The following CFAP47 variants were observed in gnomAD, a reference collection of about 807,000 sequenced individuals.
The protein encoded by CFAP47 is cilia- and flagella-associated protein 47.
In CFAP47, 29 loss-of-function variants were observed where a neutral mutation model predicts 148.1. That is an observed-to-expected ratio of 0.20 (90% CI 0.15 to 0.27). The LOEUF is 0.27. Among genes scored for constraint, CFAP47 ranks in the 10% least tolerant of loss-of-function variants. The pLI is 1.00. For synonymous variants in CFAP47, 664 were observed against 577.3 expected (o/e 1.15, Z -2.15); for missense variants, 1,872 against 1,697.5 (o/e 1.10, Z -1.81).
chrX:36,171,906 G>T (rs1264734447), intron 39 of CFAP47, among the ~76,000 whole-genome samples: 16 of 108,883 alleles, frequency 1.5e-4, no homozygotes, highest in African/African-American at 5.0e-4. Context: ...CCATTTTCAC[G>T]ATATTGATTC....
intron 39 of CFAP47, among the ~76,000 whole-genome samples, chrX:36,170,692 A>G (rs1239548989): frequency 1.8e-4 from 19 of 107,248 alleles, no homozygotes; most frequent in Non-Finnish European, 3.5e-4. Flanking sequence ...AATCCAGTCT[A>G]TCATTGTTGG....
intron 35 of CFAP47, among the ~76,000 whole-genome samples, chrX:36,141,067 T>TTTC (rs750751499): frequency 0.11 from 11,489 of 108,600 alleles, 1,209 homozygotes; most frequent in African/African-American, 0.32. Context: ...AAATTTTTTT[T>TTTC]TTTTTTTTTA....
intron 55 of CFAP47, among the ~76,000 whole-genome samples, chrX:36,307,646 A>T (rs1556009104): frequency 9.0e-6 from 1 of 110,918 alleles, no homozygotes; most frequent in Non-Finnish European, 1.9e-5. Context: ...ATGCAAATGG[A>T]GGAATGTACT....
At chrX:35,924,303 A>G (rs1224265672) in intron 1 of CFAP47, among the ~76,000 whole-genome samples, 7 of 101,019 alleles carry the variant, frequency 6.9e-5, no homozygotes, top group Admixed American at 6.1e-4. Context: ...GTGTACACAT[A>G]TGTATATATG....
chrX:36,235,614 C>T (rs1440926797), intron 46 of CFAP47, among the ~76,000 whole-genome samples: 2 of 112,216 alleles, frequency 1.8e-5, no homozygotes, highest in African/African-American at 3.2e-5. Flanking sequence ...ACACACGGTG[C>T]GCTGCACCCA....
intron 2 of CFAP47, among the ~76,000 whole-genome samples, chrX:35,940,968 A>G (rs1338565268): frequency 4.5e-5 from 5 of 111,695 alleles, no homozygotes; most frequent in African/African-American, 1.6e-4. Flanking sequence ...TAGACCCTAA[A>G]TGATATGTTA....
rs59619198 is a variant in CFAP47 at position 36,086,973 on chromosome X, C to G, written c.4916+1435C>G. On this transcript the variant is annotated intron_variant, in intron 30 of 63. Transcript: ENST00000378653. ...GGGCCTAAGGGCAGAGACAGAAGAT[C>G]CCCATCTCAGACATCAGCAGCATAT... Among the ~76,000 whole-genome samples the G allele has an allele frequency of 9.0e-5, 10 of 111,613 alleles. No homozygotes were observed. The East Asian group carries it at 2.8e-3, about 32-fold the overall frequency.
chrX:36,242,495 G>A (rs782190429), intron 48 of CFAP47, among the ~76,000 whole-genome samples: 2 of 112,000 alleles, frequency 1.8e-5, no homozygotes, highest in African/African-American at 6.5e-5. Flanking sequence ...CAAACTGAAC[G>A]TCTGGAACTG....
intron 62 of CFAP47, chrX:36,374,710 G>A (rs1942005025): frequency 2.7e-6 from 1 of 376,002 alleles, no homozygotes; most frequent in Non-Finnish European, 4.6e-6. Context: ...ATTAAGTTTT[G>A]TTTTGTTGTG....
chrX:36,172,129 G>C (rs778772233), intron 39 of CFAP47, among the ~76,000 whole-genome samples: 1 of 105,836 alleles, frequency 9.4e-6, no homozygotes, highest in East Asian at 3.0e-4. Context: ...GAATGCTTGT[G>C]ATTTTTGTAC....
At chrX:36,371,704 GTATATA>G (rs782031250) in intron 62 of CFAP47, among the ~76,000 whole-genome samples, 1 of 62,175 alleles carries the variant, frequency 1.6e-5, no homozygotes, top group African/African-American at 7.7e-5. Flanking sequence ...ACACACATGT[GTATATA>G]TGTGTGTATA....
At chrX:35,943,190 A>C (rs996655480) in intron 3 of CFAP47, among the ~76,000 whole-genome samples, 4 of 112,096 alleles carry the variant, frequency 3.6e-5, no homozygotes, top group African/African-American at 1.3e-4. Flanking sequence ...ATATTCATGA[A>C]GAAAAACATT....
intron 33 of CFAP47, among the ~76,000 whole-genome samples, chrX:36,108,602 A>G (rs1415010837): frequency 9.0e-6 from 1 of 111,617 alleles, no homozygotes; most frequent in Non-Finnish European, 1.9e-5. Context: ...CCATTTGCCC[A>G]TCTGTTGCTC....
chrX:35,952,389 C>T (rs1305514239), intron 6 of CFAP47, among the ~76,000 whole-genome samples: 1 of 112,079 alleles, frequency 8.9e-6, no homozygotes, highest in Admixed American at 9.5e-5. Context: ...CCTATAGCAC[C>T]TTCCAGGGAT....
intron 57 of CFAP47, among the ~76,000 whole-genome samples, chrX:36,345,933 G>T (rs144677364): frequency 0.049 from 5,397 of 111,002 alleles, 327 homozygotes; most frequent in African/African-American, 0.17. Flanking sequence ...TTGCAAAGGG[G>T]CCATTTTTAA....
rs747656047 is a variant in CFAP47, at chrX:36,113,818, C to CT, written c.5320+9141dup. Among the ~76,000 whole-genome samples, 329 of 99,312 alleles carry CT rather than the reference C, an allele frequency of 3.3e-3. 5 individuals carry two copies. The East Asian group carries it at 0.036, about 11-fold the overall frequency. The allele number at this position is 99,312 out of a possible 115,157, so 86.2% of individuals were successfully genotyped here. A position where few individuals can be genotyped will look rare whatever the true frequency, so the allele number is the denominator to read the frequency against. Reference sequence around the variant, plus strand: ...TATGTTTTTCTCTATTCTTGTCTGTCTTTTTTTTTTTTTTGGAGTCTCGCT... The same window carrying CT: ...TATGTTTTTCTCTATTCTTGTCTGTCTTTTTTTTTTTTTTTGGAGTCTCGCT... On this transcript the variant is annotated intron_variant, in intron 33 of 63. Transcript: ENST00000378653.
At chrX:36,112,429 T>C (rs1434433468) in intron 33 of CFAP47, among the ~76,000 whole-genome samples, 1 of 111,884 alleles carries the variant, frequency 8.9e-6, no homozygotes, top group Non-Finnish European at 1.9e-5. Flanking sequence ...AATTTTTAAG[T>C]CTTGATTTCT....
chrX:36,247,385 A>T (rs1940629276), intron 48 of CFAP47, among the ~76,000 whole-genome samples: 1 of 111,179 alleles, frequency 9.0e-6, no homozygotes, highest in Non-Finnish European at 1.9e-5. Context: ...CAATATACCC[A>T]TGTAACAAAC....
In CFAP47 at chrX:36,076,191, T is replaced by A. The variant is rs779509333; in HGVS notation, c.4691+2827T>A. 2.3e-3 allele frequency among the ~76,000 whole-genome samples: 243 copies of A among 107,847 alleles called. 1 individual carries two copies. The highest frequency in any genetic ancestry group is 0.011 in the South Asian group (28 of 2,515). The allele number at this position is 107,847 out of a possible 115,157, so 93.7% of individuals were successfully genotyped here. Reference sequence around the variant, plus strand: ...TTTCTTTTTTTTCTTTTTTTTTTTTTATTATACTTTAAGTTTTAGGGTACA... The same window carrying A: ...TTTCTTTTTTTTCTTTTTTTTTTTTAATTATACTTTAAGTTTTAGGGTACA... On this transcript the variant is annotated intron_variant, in intron 29 of 63. Transcript: ENST00000378653.
Sources: gnomAD v4.1 joint callset for allele counts (sites outside exome capture counted in the v4.1 genomes callset) on GRCh38, gnomAD v4.1.1 for gene constraint, MANE v1.5 for transcripts, NCBI Gene and HGNC (gene_info 2026-07-23, HGNC 2026-07-21) for gene names.